The following DOCK3 variants were observed in gnomAD, a reference collection of about 807,000 sequenced individuals.
The protein encoded by DOCK3 is dedicator of cytokinesis 3.
A neutral mutation model predicts 265.6 loss-of-function variants in DOCK3; 60 were observed. The observed-to-expected ratio is 0.23, with a 90% CI of 0.18 to 0.28. DOCK3 has a LOEUF of 0.28. Ranked by LOEUF, DOCK3 falls within the 10% of genes least tolerant of loss-of-function variation. DOCK3 has a pLI of 1.00. For synonymous variants in DOCK3, 881 were observed against 938.0 expected, an observed-to-expected ratio of 0.94 and a Z score of 1.11; for missense variants, 1,981 against 2,594.3, an observed-to-expected ratio of 0.76 and a Z score of 5.14.
intron 1 of DOCK3, among the ~76,000 whole-genome samples, chr3:50,700,129 A>G (rs995065399): frequency 6.6e-6 from 1 of 152,078 alleles, no homozygotes; most frequent in African/African-American, 2.4e-5. Context: ...AAAATATGAA[A>G]TCAGCCAGAT....
chr3:51,064,934 G>A (rs746151904), intron 6 of DOCK3, among the ~76,000 whole-genome samples: 7 of 152,088 alleles, frequency 4.6e-5, no homozygotes, highest in Admixed American at 2.6e-4. Context: ...ATATATTTTA[G>A]TGCTTTCTTC....
In DOCK3 at chr3:51,097,372, A is replaced by C. The variant is rs563205764; in HGVS notation, c.746+6988A>C. Among the ~76,000 whole-genome samples, 68 of 152,248 alleles carry C rather than the reference A, an allele frequency of 4.5e-4. 1 individual carries two copies. The highest frequency in any genetic ancestry group is 8.2e-4 in the Non-Finnish European group (56 of 67,992). ...TTGAGGAGCGCAGTGGGCTCCACCC[A>C]GTTCGAACTTCCAGGTGGCTTTGTT... On this transcript the variant is annotated intron_variant, in intron 9 of 52. Coordinates refer to ENST00000266037, the MANE Select transcript of DOCK3 (RefSeq NM_004947.5).
At chr3:51,186,371 A>G (rs910503364) in intron 12 of DOCK3, among the ~76,000 whole-genome samples, 1 of 152,340 alleles carries the variant, frequency 6.6e-6, no homozygotes, top group East Asian at 1.9e-4. Flanking sequence ...AGCATTCAAG[A>G]TGTGACTTGG....
At chr3:51,224,518 T>C (rs2090242625) in intron 14 of DOCK3, among the ~76,000 whole-genome samples, 1 of 152,260 alleles carries the variant, frequency 6.6e-6, no homozygotes, top group South Asian at 2.1e-4. Flanking sequence ...CCTGCTTCTA[T>C]CATTATGATT....
intron 14 of DOCK3, among the ~76,000 whole-genome samples, chr3:51,217,894 G>A (rs2089873027): frequency 6.6e-6 from 1 of 152,068 alleles, no homozygotes; most frequent in Admixed American, 6.5e-5. Context: ...AAGGCAGGCA[G>A]ATCACTTGAG....
chr3:51,247,977 G>A (rs12495405), intron 22 of DOCK3, among the ~76,000 whole-genome samples: 4,408 of 152,272 alleles, frequency 0.029, 526 homozygotes, highest in East Asian at 0.2. Context: ...AAAAATAATT[G>A]CTTAAGGATA....
intron 2 of DOCK3, 53 bp downstream of exon 2, chr3:50,778,811 T>C: frequency 1.6e-6 from 2 of 1,268,596 alleles, no homozygotes; most frequent in Non-Finnish European, 2.2e-6. Flanking sequence ...GGCAGTATTA[T>C]ATACATTTAT....
chr3:50,866,176 T>TG (rs2047132739), intron 3 of DOCK3, among the ~76,000 whole-genome samples: 1 of 152,150 alleles, frequency 6.6e-6, no homozygotes, highest in African/African-American at 2.4e-5. Flanking sequence ...CCTGTCCTTT[T>TG]GGGGCATTAC....
chr3:51,133,433 G>T (rs1379849852), intron 9 of DOCK3, among the ~76,000 whole-genome samples: 1 of 151,222 alleles, frequency 6.6e-6, no homozygotes, highest in Non-Finnish European at 1.5e-5. Flanking sequence ...CTTTCCTTGC[G>T]ATAGTTTGCT....
At chr3:51,308,993 G>A (rs1290134413) in intron 27 of DOCK3, among the ~76,000 whole-genome samples, 6 of 150,752 alleles carry the variant, frequency 4.0e-5, no homozygotes, top group African/African-American at 1.2e-4. Flanking sequence ...ACGGGGCGGC[G>A]GGGCAGAGGC....
At chr3:50,854,592 G>GTTTTTTTTT (rs71084118) in intron 3 of DOCK3, among the ~76,000 whole-genome samples, 920 of 47,166 alleles carry the variant, frequency 0.02, 245 homozygotes, top group African/African-American at 0.076. Context: ...CATCACACCA[G>GTTTTTTTTT]TTTTTTTTTT....
At position 51,117,966 on chromosome 3, in the gene DOCK3, G is replaced by T. The variant is rs191920553; in HGVS notation, c.746+27582G>T. Among the ~76,000 whole-genome samples, 619 of 152,192 alleles carry T rather than the reference G, an allele frequency of 4.1e-3. 2 individuals carry two copies. Among genetic ancestry groups the T allele is most frequent in the Non-Finnish European group, 6.8e-3 (461 of 68,002 alleles). On this transcript the variant is annotated intron_variant, in intron 9 of 52. Coordinates refer to ENST00000266037, the MANE Select transcript of DOCK3 (RefSeq NM_004947.5). ...TTGTGTCTCTGTCTCCTTCAGTTCTGTTCTGATCTGAGTTATTTCTTGTTT... is the reference window on the plus strand; with the variant it reads ...TTGTGTCTCTGTCTCCTTCAGTTCTTTTCTGATCTGAGTTATTTCTTGTTT...
At chr3:50,963,114 G>A (rs2076937687) in intron 5 of DOCK3, among the ~76,000 whole-genome samples, 1 of 152,198 alleles carries the variant, frequency 6.6e-6, no homozygotes, top group Admixed American at 6.5e-5. Flanking sequence ...GAACCCAGGA[G>A]GTGGAAGTTG....
rs746020917 is a variant in DOCK3, at chr3:51,358,088, C to T, written c.4884+11C>T. 2.9e-5 allele frequency: 47 copies of T among 1,611,256 alleles called. No individual in the cohort carries two copies. Among genetic ancestry groups the T allele is most frequent in the Non-Finnish European group, 1.7e-6 (2 of 1,178,112 alleles). On this transcript the variant is annotated intron_variant, in intron 46 of 52. Transcript: ENST00000266037. The stretch of plus-strand genomic sequence containing the variant: ...GCCAGTCTCTACCATGTAAGTTGAT[C>T]CCTGTCCTGCCCCTGCTGCAGTAGA...
At chr3:51,022,898 A>G (rs2079655860) in intron 5 of DOCK3, among the ~76,000 whole-genome samples, 1 of 152,226 alleles carries the variant, frequency 6.6e-6, no homozygotes, top group Non-Finnish European at 1.5e-5. Flanking sequence ...TCTTCTGCAT[A>G]TGGTTAGTCA....
At chr3:50,721,396 C>T (rs565904802) in intron 1 of DOCK3, among the ~76,000 whole-genome samples, 3 of 152,148 alleles carry the variant, frequency 2.0e-5, no homozygotes, top group African/African-American at 4.8e-5. Flanking sequence ...TAGTTTCAGT[C>T]ATCTGCATAT....
intron 5 of DOCK3, among the ~76,000 whole-genome samples, chr3:50,988,019 G>A (rs1181080291): frequency 6.6e-6 from 1 of 152,142 alleles, no homozygotes; most frequent in Non-Finnish European, 1.5e-5. Flanking sequence ...CTGAATCCAG[G>A]GAGCTAAGCA....
chr3:50,913,136 C>A (rs972038009), intron 4 of DOCK3, among the ~76,000 whole-genome samples: 3 of 152,072 alleles, frequency 2.0e-5, no homozygotes, highest in African/African-American at 7.3e-5. Flanking sequence ...GGTGTTTATT[C>A]GTGGCCCGAG....
chr3:50,936,723 A>G (rs758171935), intron 5 of DOCK3, among the ~76,000 whole-genome samples: 6 of 152,178 alleles, frequency 3.9e-5, no homozygotes, highest in East Asian at 1.9e-4. Context: ...TGCTTCAAGA[A>G]TGAATGGATA....
Sources: gnomAD v4.1 joint callset for allele counts (sites outside exome capture counted in the v4.1 genomes callset) on GRCh38, gnomAD v4.1.1 for gene constraint, MANE v1.5 for transcripts, NCBI Gene and HGNC (gene_info 2026-07-23, HGNC 2026-07-21) for gene names.